The following TACC1 variants were observed in gnomAD, a reference collection of about 807,000 sequenced individuals.
TACC1 encodes transforming acidic coiled-coil-containing protein 1.
TACC1 carries 48 observed loss-of-function variants against 84.4 expected under a neutral mutation model. That is an observed-to-expected ratio of 0.57 (90% CI 0.45 to 0.72). The LOEUF (loss-of-function observed/expected upper bound fraction) is 0.72, where lower values mean the gene tolerates loss of function less well. TACC1 is among the 30% of genes least tolerant of loss of function. TACC1 has a pLI of 0.00. For missense variants in TACC1, 920 were observed against 973.0 expected, an observed-to-expected ratio of 0.95 and a Z score of 0.72; for synonymous variants, 372 against 376.3, an observed-to-expected ratio of 0.99 and a Z score of 0.13.
chr8:38,764,915 G>A (rs1811935909), intron 3 of TACC1, among the ~76,000 whole-genome samples: 1 of 152,102 alleles, frequency 6.6e-6, no homozygotes, highest in Non-Finnish European at 1.5e-5. Context: ...CCTGGCCGAC[G>A]TTGCGAAACC....
At chr8:38,784,762 A>G (rs1816790003), upstream of TACC1, among the ~76,000 whole-genome samples, 1 of 152,164 alleles carries the variant, frequency 6.6e-6, no homozygotes, top group Non-Finnish European at 1.5e-5. Context: ...TTTCTTACAT[A>G]TATATTGAAC....
At chr8:38,844,333 C>T (rs1196732627) in intron 11 of TACC1, among the ~76,000 whole-genome samples, 2 of 151,934 alleles carry the variant, frequency 1.3e-5, no homozygotes, top group Non-Finnish European at 2.9e-5. Flanking sequence ...CCACCACACC[C>T]GGCTAATTTT....
chr8:38,827,720 T>C (rs1828408691), intron 5 of TACC1: 3 of 262,226 alleles, frequency 1.1e-5, no homozygotes, highest in Non-Finnish European at 2.2e-5. Context: ...GAATGGCTAA[T>C]TTATAGGAAA....
intron 3 of TACC1, among the ~76,000 whole-genome samples, chr8:38,761,552 T>G (rs1419856289): frequency 1.3e-5 from 2 of 152,376 alleles, no homozygotes; most frequent in South Asian, 2.1e-4. Flanking sequence ...AGCACATCAC[T>G]GTGGGACACA....
chr8:38,766,734 T>C (rs571720633), intron 3 of TACC1, among the ~76,000 whole-genome samples: 3 of 152,344 alleles, frequency 2.0e-5, no homozygotes, highest in African/African-American at 7.2e-5. Context: ...ATAGACATTA[T>C]TATCTGCATT....
At chr8:38,745,491 A>C in exon 3 of TACC1, 1 of 690,946 alleles carries the variant, frequency 1.4e-6, no homozygotes, top group Non-Finnish European at 2.6e-6. Context: ...TGAAACTTAA[A>C]AGGCAAGGGT....
intron 1 of TACC1, 132 bp from the exon 2 acceptor site, chr8:38,788,572 C>T: frequency 1.5e-6 from 1 of 686,154 alleles, no homozygotes; most frequent in Non-Finnish European, 2.5e-6. Context: ...GCAGGTCAGA[C>T]CCTGCTGAGG....
intron 2 of TACC1, among the ~76,000 whole-genome samples, chr8:38,814,635 T>A (rs962857666): frequency 6.6e-6 from 1 of 152,204 alleles, no homozygotes; most frequent in Non-Finnish European, 1.5e-5. Context: ...AATGACAGAT[T>A]TCTCAGAATC....
chr8:38,752,041 C>T (rs1454334723), intron 3 of TACC1, among the ~76,000 whole-genome samples: 1 of 152,164 alleles, frequency 6.6e-6, no homozygotes, highest in Admixed American at 6.5e-5. Flanking sequence ...AATGTTAGTG[C>T]CCATCCCTCT....
Position 38,787,444 on chromosome 8 carries a change from C to G in TACC1, c.-139C>G. The G allele has an allele frequency of 7.4e-7, 1 of 1,359,666 alleles. No homozygotes were observed. Among genetic ancestry groups the G allele is most frequent in the Non-Finnish European group, 9.4e-7 (1 of 1,062,240 alleles). 84.2% of individuals were successfully genotyped at this position (1,359,666 alleles called of 1,614,324 possible). A position where few individuals can be genotyped will look rare whatever the true frequency, so the allele number is the denominator to read the frequency against. ...AGCGCTCCACCAGGGCCCCCGACGG[C>G]ACTCGTTTAACCACATCCGCGCCTC... On this transcript the variant is annotated 5_prime_UTR_variant, in exon 1 of 13. Coordinates refer to ENST00000317827, the MANE Select transcript of TACC1 (RefSeq NM_006283.3).
intron 6 of TACC1, among the ~76,000 whole-genome samples, chr8:38,831,719 C>T (rs187832524): frequency 6.9e-4 from 105 of 152,198 alleles, no homozygotes; most frequent in African/African-American, 2.4e-3. Flanking sequence ...TGGTCTCAAA[C>T]TCCTGGGCTC....
rs1832810124 is a variant in TACC1 at position 38,849,406 on chromosome 8, C to T, written c.*1383C>T. 6.6e-6 allele frequency: 1 copy of T among 152,276 alleles called. No homozygotes were observed. The highest frequency in any genetic ancestry group is 2.4e-5 in the African/African-American group (1 of 41,556). The allele number at this position is 152,276 out of a possible 1,614,324, so 9.4% of individuals were successfully genotyped here. On this transcript the variant is annotated 3_prime_UTR_variant, in exon 13 of 13. Coordinates refer to ENST00000317827, the MANE Select transcript of TACC1 (RefSeq NM_006283.3). The stretch of plus-strand genomic sequence containing the variant: ...ATGAATTCCCTTTCATTTGAATAGG[C>T]AAACCCAAATCCATGCAAGTGTTTT...
upstream of TACC1, among the ~76,000 whole-genome samples, chr8:38,783,304 C>T (rs1426778987): frequency 6.6e-6 from 1 of 151,936 alleles, no homozygotes; most frequent in African/African-American, 2.4e-5. Flanking sequence ...AAGAGTTGTT[C>T]ACCAGAGCAA....
chr8:38,788,920 G>A (rs751712942), intron 2 of TACC1, 101 bp downstream of exon 2: 51 of 942,650 alleles, frequency 5.4e-5, no homozygotes, highest in Non-Finnish European at 7.6e-5. Context: ...CCATTTAAGA[G>A]AGTTTGACTA....
chr8:38,810,554 C>T (rs941840569), intron 2 of TACC1, among the ~76,000 whole-genome samples: 6 of 152,028 alleles, frequency 3.9e-5, no homozygotes, highest in Non-Finnish European at 8.8e-5. Flanking sequence ...CAGTGACCTA[C>T]GAGTGCTCCG....
chr8:38,756,123 G>T (rs59960370), intron 3 of TACC1, among the ~76,000 whole-genome samples: 46,880 of 151,702 alleles, frequency 0.31, 8,542 homozygotes, highest in African/African-American at 0.5. Context: ...CGGGAAGAGA[G>T]AATTATAAAA....
intron 3 of TACC1, among the ~76,000 whole-genome samples, chr8:38,749,630 C>G (rs952964395): frequency 6.6e-6 from 1 of 151,854 alleles, no homozygotes; most frequent in Non-Finnish European, 1.5e-5. Flanking sequence ...CTCAGTCTGT[C>G]GCCCAGGCTG....
chr8:38,831,313 T>C (rs1829186857), intron 6 of TACC1, 136 bp downstream of exon 6: 5 of 867,048 alleles, frequency 5.8e-6, no homozygotes, highest in Non-Finnish European at 9.3e-6. Flanking sequence ...TTTCTTCACT[T>C]GAGGAACACA....
chr8:38,790,890 G>C (rs1818488052), intron 2 of TACC1, among the ~76,000 whole-genome samples: 1 of 152,186 alleles, frequency 6.6e-6, no homozygotes, highest in Non-Finnish European at 1.5e-5. Context: ...TGGAGAATTT[G>C]TGTGCGACGC....
Sources: gnomAD v4.1 joint callset for allele counts (sites outside exome capture counted in the v4.1 genomes callset) on GRCh38, gnomAD v4.1.1 for gene constraint, MANE v1.5 for transcripts, NCBI Gene and HGNC (gene_info 2026-07-23, HGNC 2026-07-21) for gene names.